Variants in WDFY3 observed in about 807,000 individuals in gnomAD.
WDFY3 encodes the protein WD repeat and FYVE domain-containing protein 3.
In WDFY3, 66 loss-of-function variants were observed where a neutral mutation model predicts 409.6. That is an observed-to-expected ratio of 0.16 (90% CI 0.13 to 0.20). WDFY3 has a LOEUF of 0.20. Among genes scored for constraint, WDFY3 ranks in the 10% least tolerant of loss-of-function variants. The pLI, the probability that WDFY3 is intolerant of heterozygous loss-of-function variation, is 1.00. For missense variants in WDFY3, 3,031 were observed against 4,298.1 expected (o/e 0.71, Z 8.24); for synonymous variants, 1,521 against 1,537.1 (o/e 0.99, Z 0.25).
intron 5 of WDFY3, 62 bp downstream of exon 5, chr4:84,849,840 A>G (rs1384296630): frequency 8.8e-6 from 14 of 1,588,874 alleles, no homozygotes; most frequent in Non-Finnish European, 1.1e-5. Context: ...TTTTAATGGG[A>G]CTTTTACAGA....
intron 48 of WDFY3, 94 bp downstream of exon 48, chr4:84,718,328 G>C (rs1456955607): frequency 5.1e-6 from 7 of 1,378,696 alleles, no homozygotes; most frequent in Non-Finnish European, 6.8e-6. Context: ...ACATTACCTA[G>C]AACACAATTT....
rs190699311 is a variant in WDFY3, at chr4:84,825,594, T to A, written c.1123+1221A>T. 2.5e-3 allele frequency among the ~76,000 whole-genome samples: 387 copies of A among 152,204 alleles called. 1 individual carries two copies. The highest frequency in any genetic ancestry group is 8.5e-3 in the African/African-American group (355 of 41,534). On this transcript the variant is annotated intron_variant, in intron 10 of 67. Coordinates refer to ENST00000295888, the MANE Select transcript of WDFY3 (RefSeq NM_014991.6). ...ATTTCTCCCTATTTACTGCAGAGAC[T>A]CATTTAAAAGGTTCTAAACAACTTA...
chr4:84,844,581 C>T (rs1757828556), intron 5 of WDFY3: 9 of 1,202,450 alleles, frequency 7.5e-6, no homozygotes, highest in Non-Finnish European at 9.9e-6. Context: ...CACAAGAGTA[C>T]TGGGGTCAAC....
At chr4:84,687,434 T>C (rs1728518987) in intron 62 of WDFY3, among the ~76,000 whole-genome samples, 2 of 152,152 alleles carry the variant, frequency 1.3e-5, no homozygotes, top group Admixed American at 1.3e-4. Flanking sequence ...TGAGCCACCA[T>C]GCCCGGCCAA....
intron 53 of WDFY3, among the ~76,000 whole-genome samples, chr4:84,705,843 G>A (rs1731838513): frequency 6.6e-6 from 1 of 152,156 alleles, no homozygotes; most frequent in Non-Finnish European, 1.5e-5. Context: ...GACCCAGCAG[G>A]AGACTGTGGA....
At chr4:84,735,388 T>C (rs1166008116) in intron 42 of WDFY3, among the ~76,000 whole-genome samples, 1 of 152,162 alleles carries the variant, frequency 6.6e-6, no homozygotes, top group Non-Finnish European at 1.5e-5. Context: ...TGGCCTTAGC[T>C]GCAGAGGGCC....
chr4:84,678,405 G>A (rs778043585), intron 65 of WDFY3, 126 bp from the exon 66 acceptor site: 75 of 632,726 alleles, frequency 1.2e-4, no homozygotes, highest in Non-Finnish European at 1.9e-4. Flanking sequence ...AGCTTTTCCA[G>A]TTCTCGGCAG....
intron 4 of WDFY3, among the ~76,000 whole-genome samples, chr4:84,858,705 A>G (rs1032540270): frequency 1.3e-5 from 2 of 151,904 alleles, no homozygotes; most frequent in Admixed American, 1.3e-4. Flanking sequence ...TCACACAAAA[A>G]GATAGATGAA....
intron 40 of WDFY3, among the ~76,000 whole-genome samples, chr4:84,737,592 C>T (rs1234858193): frequency 1.3e-5 from 2 of 151,772 alleles, no homozygotes; most frequent in Admixed American, 1.3e-4. Flanking sequence ...TATATTCATA[C>T]AAAAGAACAT....
rs201691609 is a variant in WDFY3, at chr4:84,829,810, AAAAT to A, written c.770-624_770-621del. 3.6e-3 allele frequency among the ~76,000 whole-genome samples: 505 copies of A among 138,716 alleles called. 1 individual carries two copies. Among genetic ancestry groups the A allele is most frequent in the Non-Finnish European group, 4.9e-3 (321 of 65,194 alleles). 91.0% of individuals were successfully genotyped at this position (138,716 alleles called of 152,430 possible). A position where few individuals can be genotyped will look rare whatever the true frequency, so the allele number is the denominator to read the frequency against. ...CTGGGTGACAGAGCGAGACTGTCTC[AAAAT>A]AAATAAATAAATAAATAAATAAATA... On this transcript the variant is annotated intron_variant, in intron 8 of 67. Transcript: ENST00000295888.
At chr4:84,811,228 G>C (rs1290491625) in intron 13 of WDFY3, among the ~76,000 whole-genome samples, 1 of 152,084 alleles carries the variant, frequency 6.6e-6, no homozygotes, top group Admixed American at 6.6e-5. Context: ...CAAACTCCTA[G>C]TCTCAAGTGA....
At chr4:84,927,484 G>A (rs1308301039) in intron 2 of WDFY3, among the ~76,000 whole-genome samples, 1 of 152,172 alleles carries the variant, frequency 6.6e-6, no homozygotes, top group Non-Finnish European at 1.5e-5. Context: ...TTGATTTGGA[G>A]TATCAACATG....
In WDFY3 at chr4:84,848,257, A is replaced by G. The variant is rs545297983; in HGVS notation, c.304+1645T>C. Among the ~76,000 whole-genome samples, 308 of 147,738 alleles carry G rather than the reference A, an allele frequency of 2.1e-3. No individual in the cohort carries two copies. In the Middle Eastern group the frequency reaches 0.021, roughly 10 times the overall value. ...AAGAGAGGATCCTAAAAGCTTCTAG[A>G]AAAAAAAAAATAGGTCACAGAGGAA... On this transcript the variant is annotated intron_variant, in intron 5 of 67. Coordinates refer to ENST00000295888, the MANE Select transcript of WDFY3 (RefSeq NM_014991.6).
At position 84,751,573 on chromosome 4, in the gene WDFY3, G is replaced by T. The variant is rs375780380; in HGVS notation, c.5883C>A (p.Phe1961Leu). ...TTAAGACCCGCATGAAGTCAAAAACGAACTTTTTAGCCGGGTGATTGGTCA... is the reference window on the plus strand; with the variant it reads ...TTAAGACCCGCATGAAGTCAAAAACTAACTTTTTAGCCGGGTGATTGGTCA... Reference protein sequence around the residue: ...TYLTNHPAKKFVFDFMRVLII... With the variant: ...TYLTNHPAKKLVFDFMRVLII... The change falls in exon 36 of 68, where the codon TTC becomes TTA. Residue 1961 changes from phenylalanine (F) to leucine (L), a missense_variant. Phe to Leu is a conservative substitution (Grantham distance 22, BLOSUM62 0). This residue lies in a region of WDFY3 where 314 missense variants were observed against 397.4 expected (regional missense o/e 0.79). Coordinates refer to ENST00000295888, the MANE Select transcript of WDFY3 (RefSeq NM_014991.6). 5 of 1,614,106 alleles carry T rather than the reference G, an allele frequency of 3.1e-6. No homozygotes were observed. In the East Asian group the frequency reaches 1.1e-4, roughly 36 times the overall value.
chr4:84,716,054 G>C (rs181770252), intron 49 of WDFY3, among the ~76,000 whole-genome samples: 1 of 152,140 alleles, frequency 6.6e-6, no homozygotes, highest in East Asian at 1.9e-4. Context: ...CCAAATTTTA[G>C]GCTGTGTTTA....
intron 56 of WDFY3, among the ~76,000 whole-genome samples, chr4:84,701,319 A>C (rs947756291): frequency 1.3e-5 from 2 of 152,182 alleles, no homozygotes; most frequent in Non-Finnish European, 2.9e-5. Context: ...GGGGCTCTGG[A>C]GACAGCCTTG....
At chr4:84,919,898 T>C (rs1440716044) in intron 2 of WDFY3, among the ~76,000 whole-genome samples, 1 of 152,088 alleles carries the variant, frequency 6.6e-6, no homozygotes, top group Non-Finnish European at 1.5e-5. Context: ...AATGAAATGG[T>C]CAAAATTTCC....
chr4:84,839,184 T>A (rs1756994312), intron 6 of WDFY3, among the ~76,000 whole-genome samples: 1 of 152,172 alleles, frequency 6.6e-6, no homozygotes, highest in South Asian at 2.1e-4. Flanking sequence ...TTATAGAAAA[T>A]ATGAATAAAT....
chr4:84,810,160 G>A lies in WDFY3; in HGVS notation c.2072C>T (p.Thr691Met), dbSNP rs754377785. 12 of 1,614,122 alleles carry A rather than the reference G, an allele frequency of 7.4e-6. No homozygotes were observed. Among genetic ancestry groups the A allele is most frequent in the Middle Eastern group, 1.6e-4 (1 of 6,062 alleles). ...CTCATAGCGCATTGCTGCAGTCAAC[G>A]TGCAGAACACAGTGTGAAGAAGTTC... ...VFELLHTVFCTLTAAMRYEPA... is the reference protein window; with the variant it reads ...VFELLHTVFCMLTAAMRYEPA... The change falls in exon 14 of 68, where the codon ACG becomes ATG. Residue 691 changes from threonine to methionine, a missense_variant. Thr to Met is a moderately conservative substitution (Grantham distance 81). This residue lies in a region of WDFY3 where 1,322 missense variants were observed against 1,697.9 expected (regional missense o/e 0.78). Coordinates refer to ENST00000295888, the MANE Select transcript of WDFY3 (RefSeq NM_014991.6).
Sources: gnomAD v4.1 joint callset for allele counts (sites outside exome capture counted in the v4.1 genomes callset) on GRCh38, gnomAD v4.1.1 for gene constraint, gnomAD v4.1.1 regional missense constraint, MANE v1.5 for transcripts, NCBI Gene and HGNC (gene_info 2026-07-23, HGNC 2026-07-21) for gene names.